The following PRKCQ variants were observed in gnomAD, a reference collection of about 807,000 sequenced individuals.
The protein encoded by PRKCQ is protein kinase C theta, also known as protein kinase C theta type.
In PRKCQ, 41 loss-of-function variants were observed where a neutral mutation model predicts 91.2. The observed-to-expected ratio is 0.45, with a 90% CI of 0.35 to 0.58. PRKCQ has a LOEUF of 0.58. PRKCQ is among the 20% of genes least tolerant of loss of function. The probability of loss-of-function intolerance (pLI) is 0.00; values close to 1 mark genes in which losing one functional copy is unlikely to be tolerated. For synonymous variants in PRKCQ, 307 were observed against 316.9 expected (o/e 0.97, Z 0.33); for missense variants, 673 against 896.5 (o/e 0.75, Z 3.18).
intron 1 of PRKCQ, among the ~76,000 whole-genome samples, chr10:6,530,451 G>C (rs1839351337): frequency 6.6e-6 from 1 of 152,252 alleles, no homozygotes; most frequent in Non-Finnish European, 1.5e-5. Flanking sequence ...GCAGTGCTCA[G>C]TCCGCAGTGA....
the PRKCQ span, among the ~76,000 whole-genome samples, chr10:6,421,247 G>A: frequency 0.047 from 7,123 of 152,268 alleles, 254 homozygotes; most frequent in East Asian, 0.12. This position sits in a 1 kb window ranked among gnomAD's most constrained non-coding sequence, Gnocchi z 4.1. Flanking sequence ...CACTTTGGAA[G>A]GCTAAGGGGG....
chr10:6,412,789 C>T, the PRKCQ span, among the ~76,000 whole-genome samples: 4 of 152,162 alleles, frequency 2.6e-5, no homozygotes, highest in African/African-American at 7.2e-5. Flanking sequence ...ACTGGTATAG[C>T]GTAAGCGGGT....
At chr10:6,484,168 C>A (rs572128456) in intron 10 of PRKCQ, among the ~76,000 whole-genome samples, 6 of 152,344 alleles carry the variant, frequency 3.9e-5, no homozygotes, top group African/African-American at 1.4e-4. Flanking sequence ...AATCTGACAA[C>A]TTCGGGAGGC....
At chr10:6,445,895 G>C (rs1195795963) in intron 15 of PRKCQ, among the ~76,000 whole-genome samples, 2 of 152,216 alleles carry the variant, frequency 1.3e-5, no homozygotes, top group Admixed American at 1.3e-4. Flanking sequence ...AACCAGAAAC[G>C]TCTCTGAACC....
At chr10:6,451,951 C>G (rs1161406415) in intron 15 of PRKCQ, among the ~76,000 whole-genome samples, 1 of 152,144 alleles carries the variant, frequency 6.6e-6, no homozygotes, top group East Asian at 1.9e-4. Flanking sequence ...CTATCTATGA[C>G]AAACCCACAG....
chr10:6,454,841 G>A (rs1834923388), intron 15 of PRKCQ, among the ~76,000 whole-genome samples: 1 of 152,152 alleles, frequency 6.6e-6, no homozygotes. Context: ...AGAGGACCAA[G>A]CACTGAATCA....
intron 1 of PRKCQ, among the ~76,000 whole-genome samples, chr10:6,554,233 A>C (rs1191955984): frequency 2.0e-5 from 3 of 152,210 alleles, no homozygotes; most frequent in East Asian, 3.8e-4. Flanking sequence ...AACCAAGGCC[A>C]GTTGGTACCA....
Position 6,541,838 on chromosome 10 carries a change from C to T in PRKCQ, c.-9-26694G>A, listed in dbSNP as rs546433371. On this transcript the variant is annotated intron_variant, in intron 1 of 17. Transcript: ENST00000263125. Reference sequence around the variant, plus strand: ...TATTAAAGCCACCTCCAAGCCTCCTCGTTTCCATATGAAGTAATATCTACT... The same window carrying T: ...TATTAAAGCCACCTCCAAGCCTCCTTGTTTCCATATGAAGTAATATCTACT... 1.8e-4 allele frequency among the ~76,000 whole-genome samples: 27 copies of T among 152,248 alleles called. No homozygotes were observed. The South Asian group carries it at 5.0e-3, about 28-fold the overall frequency.
At chr10:6,574,347 G>A (rs190246309) in intron 1 of PRKCQ, among the ~76,000 whole-genome samples, 1 of 152,324 alleles carries the variant, frequency 6.6e-6, no homozygotes, top group Non-Finnish European at 1.5e-5. Flanking sequence ...GGTTCCTCCT[G>A]TTCTTAGAAA....
At chr10:6,472,581 A>G (rs978256918) in intron 12 of PRKCQ, among the ~76,000 whole-genome samples, 22 of 152,246 alleles carry the variant, frequency 1.4e-4, no homozygotes, top group African/African-American at 5.3e-4. Flanking sequence ...TGCGACTGTG[A>G]TCTGAGTCAC....
At chr10:6,492,654 G>T (rs1301822353) in intron 7 of PRKCQ, among the ~76,000 whole-genome samples, 1 of 152,160 alleles carries the variant, frequency 6.6e-6, no homozygotes, top group Non-Finnish European at 1.5e-5. Flanking sequence ...GTGGGAGAGG[G>T]ATGCTAGTGA....
At chr10:6,541,742 A>C (rs1839782330) in intron 1 of PRKCQ, among the ~76,000 whole-genome samples, 1 of 152,138 alleles carries the variant, frequency 6.6e-6, no homozygotes, top group Admixed American at 6.5e-5. Context: ...ATTCAAGCCC[A>C]TTTCTCTTTG....
rs1374674514 is a variant in PRKCQ at position 6,479,175 on chromosome 10, G to A, written c.1180-10C>T. 1 of 1,612,130 alleles carries A rather than the reference G, an allele frequency of 6.2e-7. No homozygotes were observed. The highest frequency in any genetic ancestry group is 2.2e-5 in the East Asian group (1 of 44,868). ...ATTCTGCCAGGAAGACCTAGAAGGA[G>A]AGGGAAGAAGTAACTTTATTTTAGA... On this transcript the variant is annotated splice_polypyrimidine_tract_variant and intron_variant, in intron 11 of 17. Coordinates refer to ENST00000263125, the MANE Select transcript of PRKCQ (RefSeq NM_006257.5).
intron 1 of PRKCQ, among the ~76,000 whole-genome samples, chr10:6,561,800 T>C (rs1840643247): frequency 6.6e-6 from 1 of 152,190 alleles, no homozygotes; most frequent in South Asian, 2.1e-4. Context: ...AGTACGTATG[T>C]GTGTGGGTGT....
At chr10:6,478,867 A>G in intron 12 of PRKCQ, 125 bp downstream of exon 12, 1 of 1,066,992 alleles carries the variant, frequency 9.4e-7, no homozygotes, top group South Asian at 1.7e-5. Flanking sequence ...GATGGATGGC[A>G]GGTACACCGA....
the PRKCQ span, among the ~76,000 whole-genome samples, chr10:6,413,556 C>G: frequency 1.2e-3 from 83 of 68,332 alleles, 10 homozygotes; most frequent in African/African-American, 3.7e-3. Flanking sequence ...CACACACACA[C>G]ACTAGGAAGC....
chr10:6,578,858 T>A (rs988118965), intron 1 of PRKCQ, among the ~76,000 whole-genome samples: 8 of 151,906 alleles, frequency 5.3e-5, no homozygotes, highest in South Asian at 2.1e-4. Context: ...AAAGATAAGT[T>A]AGGGAAAATA....
At chr10:6,514,892 C>T (rs574521) in intron 2 of PRKCQ, 126 bp downstream of exon 2, 1,161,969 of 1,474,942 alleles carry the variant, frequency 0.79, 460,168 homozygotes, top group Admixed American at 0.86. Flanking sequence ...TGGGCATCAG[C>T]GTCCTAAATG....
chr10:6,509,042 A>G (rs1247209775), intron 3 of PRKCQ, among the ~76,000 whole-genome samples: 1 of 152,240 alleles, frequency 6.6e-6, no homozygotes, highest in East Asian at 1.9e-4. Context: ...GGCTCTTAAA[A>G]TAAAAGTAAA....
Sources: allele counts gnomAD v4.1 joint callset (sites outside exome capture counted in the v4.1 genomes callset), GRCh38; gene constraint gnomAD v4.1.1; non-coding constraint Gnocchi (gnomAD v3.1); transcripts MANE v1.5; gene names NCBI Gene and HGNC (gene_info 2026-07-23, HGNC 2026-07-21).